Variants in TUSC3 observed in about 807,000 individuals in gnomAD.
The protein encoded by TUSC3 is tumor suppressor candidate 3.
TUSC3 carries 45 observed loss-of-function variants against 44.8 expected under a neutral mutation model. That is an observed-to-expected ratio of 1.00 (90% CI 0.79 to 1.29). TUSC3 has a LOEUF of 1.29. TUSC3 is among the 50% of genes most tolerant of loss of function. The pLI is 0.00. For missense variants in TUSC3, 519 were observed against 437.9 expected, an observed-to-expected ratio of 1.19 and a Z score of -1.65; for synonymous variants, 212 against 152.9, an observed-to-expected ratio of 1.39 and a Z score of -2.85.
At chr8:15,592,449 A>G (rs1381153054) in intron 1 of TUSC3, among the ~76,000 whole-genome samples, 1 of 152,180 alleles carries the variant, frequency 6.6e-6, no homozygotes, top group Non-Finnish European at 1.5e-5. Flanking sequence ...TGGATCCCTC[A>G]TGAATGACAT....
intron 2 of TUSC3, among the ~76,000 whole-genome samples, chr8:15,643,429 G>T (rs1208501232): frequency 6.7e-6 from 1 of 149,760 alleles, no homozygotes; most frequent in Non-Finnish European, 1.5e-5. Context: ...TTTTTAAGGA[G>T]AACCAAAATT....
Position 15,681,534 on chromosome 8 carries a change from G to A in TUSC3, c.798+7698G>A, listed in dbSNP as rs143136951. On this transcript the variant is annotated intron_variant, in intron 6 of 10. Transcript: ENST00000503731. ...TTGTAATGTCACCTTTGTCATTTCC[G>A]ATTGTGCTTATTTGGATCTTTTCTC... 1.9e-3 allele frequency among the ~76,000 whole-genome samples: 284 copies of A among 146,446 alleles called. 2 individuals carry two copies. The highest frequency in any genetic ancestry group is 8.2e-4 in the Non-Finnish European group (55 of 66,808).
At chr8:15,642,100 G>T (rs527947170) in intron 2 of TUSC3, among the ~76,000 whole-genome samples, 5 of 152,278 alleles carry the variant, frequency 3.3e-5, no homozygotes, top group Non-Finnish European at 7.4e-5. Flanking sequence ...TTTAGCATAA[G>T]ATATTCCTAT....
chr8:15,785,920 G>C, the TUSC3 span, among the ~76,000 whole-genome samples: 1 of 151,556 alleles, frequency 6.6e-6, no homozygotes, highest in African/African-American at 2.4e-5. Flanking sequence ...TGAAAAAAAA[G>C]AAAAAAAGAA....
At chr8:15,552,396 G>T (rs1203654572) in intron 1 of TUSC3, among the ~76,000 whole-genome samples, 2 of 151,686 alleles carry the variant, frequency 1.3e-5, no homozygotes, top group Non-Finnish European at 2.9e-5. Flanking sequence ...ATATCCTACT[G>T]CTCATAGTTC....
intron 1 of TUSC3, among the ~76,000 whole-genome samples, chr8:15,586,909 A>G (rs1440098625): frequency 6.6e-6 from 1 of 152,128 alleles, no homozygotes; most frequent in African/African-American, 2.4e-5. Context: ...TGACCTCCTG[A>G]TTTTGAAATT....
chr8:15,767,129 G>T (rs1812355206), downstream of TUSC3, among the ~76,000 whole-genome samples: 1 of 152,018 alleles, frequency 6.6e-6, no homozygotes, highest in Non-Finnish European at 1.5e-5. Context: ...CACTCAAAGG[G>T]TACAAGTATG....
chr8:15,539,511 C>T (rs1286114108), upstream of TUSC3, among the ~76,000 whole-genome samples: 1 of 151,656 alleles, frequency 6.6e-6, no homozygotes, highest in African/African-American at 2.4e-5. Flanking sequence ...CCACCATGCC[C>T]GGCTACTTTT....
chr8:15,684,339 C>T (rs1234569537), intron 6 of TUSC3, among the ~76,000 whole-genome samples: 2 of 152,092 alleles, frequency 1.3e-5, no homozygotes, highest in East Asian at 3.9e-4. Context: ...AGTGTGTTCA[C>T]TGGTGGTCTG....
intron 2 of TUSC3, among the ~76,000 whole-genome samples, chr8:15,634,921 C>A (rs950982833): frequency 6.6e-6 from 1 of 152,310 alleles, no homozygotes; most frequent in Admixed American, 6.5e-5. Flanking sequence ...TCACTTTGGC[C>A]TCCGTAGGCC....
In TUSC3 at chr8:15,673,846, A is replaced by G. The variant is rs1291561361; in HGVS notation, c.798+10A>G. On this transcript the variant is annotated intron_variant, in intron 6 of 10. Transcript: ENST00000503731. ...ACACAATGGACAAGTGGTAAGTGTAATTTATAAGCATGAATATTCTGAAGT... is the reference window on the plus strand; with the variant it reads ...ACACAATGGACAAGTGGTAAGTGTAGTTTATAAGCATGAATATTCTGAAGT... The G allele has an allele frequency of 1.4e-5, 22 of 1,600,902 alleles. No homozygotes were observed. Among genetic ancestry groups the G allele is most frequent in the Non-Finnish European group, 1.9e-5 (22 of 1,168,672 alleles).
chr8:15,423,847 G>A (rs554521078), intron 1 of TUSC3, among the ~76,000 whole-genome samples: 22 of 152,126 alleles, frequency 1.4e-4, no homozygotes, highest in African/African-American at 4.8e-4. Context: ...GGACTAGAAG[G>A]CTCAGTTTGT....
At chr8:15,688,837 A>G (rs1808761093) in intron 6 of TUSC3, 1 of 154,362 alleles carries the variant, frequency 6.5e-6, no homozygotes, top group East Asian at 1.9e-4. Context: ...AGCGTAATTA[A>G]TCCAGTTACT....
At chr8:15,458,937 G>C (rs1306727899) in intron 1 of TUSC3, among the ~76,000 whole-genome samples, 1 of 152,156 alleles carries the variant, frequency 6.6e-6, no homozygotes, top group Non-Finnish European at 1.5e-5. Context: ...AGTTCCCTAA[G>C]ACCAAGAAGA....
chr8:15,739,964 C>T (rs1321475145), intron 7 of TUSC3, among the ~76,000 whole-genome samples: 2 of 152,222 alleles, frequency 1.3e-5, no homozygotes, highest in South Asian at 2.1e-4. Flanking sequence ...GTTATTGGTA[C>T]TGGGTAAGAT....
the TUSC3 span, among the ~76,000 whole-genome samples, chr8:15,793,733 T>C: frequency 6.6e-6 from 1 of 152,366 alleles, no homozygotes; most frequent in Middle Eastern, 3.4e-3. Flanking sequence ...GGTTTTATTA[T>C]TGTTTTATCC....
intron 1 of TUSC3, among the ~76,000 whole-genome samples, chr8:15,439,488 T>C (rs559290294): frequency 1.3e-5 from 2 of 152,218 alleles, no homozygotes; most frequent in South Asian, 2.1e-4. Flanking sequence ...GCCTAGGAGG[T>C]TGAGGCTGAA....
intron 1 of TUSC3, among the ~76,000 whole-genome samples, chr8:15,550,782 G>A (rs903660935): frequency 2.6e-5 from 4 of 151,134 alleles, no homozygotes; most frequent in African/African-American, 4.9e-5. Flanking sequence ...AGTGATTCTC[G>A]TGCCTCAGCC....
chr8:15,613,446 G>C (rs561155766), intron 1 of TUSC3, among the ~76,000 whole-genome samples: 20 of 152,296 alleles, frequency 1.3e-4, no homozygotes, highest in African/African-American at 4.3e-4. Context: ...AGTGCTAAGA[G>C]TTTTCCATGC....
Sources: gnomAD v4.1 joint callset for allele counts (sites outside exome capture counted in the v4.1 genomes callset) on GRCh38, gnomAD v4.1.1 for gene constraint, MANE v1.5 for transcripts, NCBI Gene and HGNC (gene_info 2026-07-23, HGNC 2026-07-21) for gene names.